Variants in AKAP13 observed in about 807,000 individuals in gnomAD.
AKAP13 encodes A-kinase anchoring protein 13.
A neutral mutation model predicts 264.5 loss-of-function variants in AKAP13; 80 were observed. The ratio of observed to expected loss-of-function variants is 0.30; its 90% CI spans 0.25 to 0.36. AKAP13 has a LOEUF of 0.36. Ranked by LOEUF, AKAP13 falls within the 10% of genes least tolerant of loss-of-function variation. The pLI, the probability that AKAP13 is intolerant of heterozygous loss-of-function variation, is 1.00. For synonymous variants in AKAP13, 1,380 were observed against 1,250.2 expected (o/e 1.10, Z -2.19); for missense variants, 3,712 against 3,435.2 (o/e 1.08, Z -2.01).
At chr15:85,676,759 C>G (rs2084251580) in intron 14 of AKAP13, among the ~76,000 whole-genome samples, 1 of 152,124 alleles carries the variant, frequency 6.6e-6, no homozygotes, top group Non-Finnish European at 1.5e-5. Flanking sequence ...CATAATCTAA[C>G]AGGTATGTAT....
chr15:85,477,852 G>A (rs1464738318), intron 1 of AKAP13, among the ~76,000 whole-genome samples: 2 of 152,106 alleles, frequency 1.3e-5, no homozygotes, highest in Non-Finnish European at 2.9e-5. Context: ...GAGGTATGTG[G>A]ATTGACCTGG....
intron 1 of AKAP13, among the ~76,000 whole-genome samples, chr15:85,400,179 A>G (rs2071353764): frequency 1.3e-5 from 2 of 152,188 alleles, no homozygotes. Flanking sequence ...GTGGGAGGAT[A>G]GCTTGAAGTC....
At chr15:85,635,186 C>T (rs895439219) in intron 8 of AKAP13, 2 of 397,752 alleles carry the variant, frequency 5.0e-6, no homozygotes, top group African/African-American at 4.1e-5. Flanking sequence ...CTTTCAGCAA[C>T]AGTACTGTGT....
intron 9 of AKAP13, 55 bp downstream of exon 9, chr15:85,639,504 C>CTCCAAATAAAACGATCT: frequency 7.6e-7 from 1 of 1,321,566 alleles, no homozygotes; most frequent in Non-Finnish European, 1.1e-6. Flanking sequence ...TCTGGCAGAT[C>CTCCAAATAAAACGATCT]GTTTTATTTG....
intron 34 of AKAP13, among the ~76,000 whole-genome samples, chr15:85,740,767 ACAC>A (rs1437767431): frequency 1.1e-5 from 1 of 88,724 alleles, no homozygotes; most frequent in Non-Finnish European, 2.3e-5. Context: ...ACACACACAC[ACAC>A]AACCACCCCC....
chr15:85,713,844 T>G (rs1169639367), intron 19 of AKAP13, among the ~76,000 whole-genome samples: 2 of 152,176 alleles, frequency 1.3e-5, no homozygotes, highest in African/African-American at 4.8e-5. Flanking sequence ...AACCTGTGAA[T>G]GGGACAGCAA....
chr15:85,612,553 G>C (rs1426044687), intron 8 of AKAP13, among the ~76,000 whole-genome samples: 1 of 152,132 alleles, frequency 6.6e-6, no homozygotes, highest in African/African-American at 2.4e-5. Context: ...AAGCGTGGTG[G>C]CTCACACCTG....
At chr15:85,558,770 A>C (rs1046775388) in intron 5 of AKAP13, among the ~76,000 whole-genome samples, 1 of 152,174 alleles carries the variant, frequency 6.6e-6, no homozygotes. Context: ...TCAGAAATAA[A>C]ACTGGAAGAA....
intron 2 of AKAP13, among the ~76,000 whole-genome samples, chr15:85,511,912 C>T (rs1382367514): frequency 6.6e-6 from 1 of 152,112 alleles, no homozygotes; most frequent in African/African-American, 2.4e-5. Flanking sequence ...ATTATTTTCT[C>T]CAAATGGTTT....
intron 1 of AKAP13, among the ~76,000 whole-genome samples, chr15:85,472,597 C>G (rs757132885): frequency 2.7e-4 from 41 of 152,316 alleles, no homozygotes; most frequent in Non-Finnish European, 2.9e-4. Flanking sequence ...ATCCTCTCCC[C>G]TTAGCCTCCC....
chr15:85,691,727 G>A lies in AKAP13; in HGVS notation c.5290-1550G>A, dbSNP rs75533500. The stretch of plus-strand genomic sequence containing the variant: ...GTCCCCTGTGCTTTGTACCTAGCCC[G>A]GTTTTGGCCTGCTCAGTAAGTAGAA... On this transcript the variant is annotated intron_variant, in intron 16 of 36. Coordinates refer to ENST00000394518, the MANE Select transcript of AKAP13 (RefSeq NM_007200.5). The A allele has an allele frequency of 1.7e-3, 780 of 449,230 alleles. 5 individuals are homozygous for A. The East Asian group carries it at 0.02, about 12-fold the overall frequency. The allele number at this position is 449,230 out of a possible 1,614,324, so 27.8% of individuals were successfully genotyped here.
At chr15:85,441,109 T>C (rs1222283698) in intron 1 of AKAP13, among the ~76,000 whole-genome samples, 1 of 152,230 alleles carries the variant, frequency 6.6e-6, no homozygotes, top group Non-Finnish European at 1.5e-5. Context: ...TGGGTAACAC[T>C]GTTTTCCAAA....
chr15:85,526,954 A>ATTT (rs11073395), intron 3 of AKAP13, among the ~76,000 whole-genome samples: 1 of 131,304 alleles, frequency 7.6e-6, no homozygotes, highest in Non-Finnish European at 1.6e-5. Context: ...CTTAGTTGTA[A>ATTT]TTTTTTTTTT....
chr15:85,541,895 C>T (rs1043664645), intron 4 of AKAP13, among the ~76,000 whole-genome samples: 1 of 152,202 alleles, frequency 6.6e-6, no homozygotes. Context: ...GTGCAGAAGT[C>T]AGGGCATCAG....
intron 1 of AKAP13, among the ~76,000 whole-genome samples, chr15:85,467,684 G>A (rs979837785): frequency 7.2e-5 from 11 of 152,186 alleles, no homozygotes; most frequent in African/African-American, 2.4e-4. Context: ...GGAAAAGACT[G>A]TATTTTTACT....
chr15:85,529,684 A>G (rs1371029559), intron 3 of AKAP13, among the ~76,000 whole-genome samples: 3 of 152,248 alleles, frequency 2.0e-5, no homozygotes, highest in Admixed American at 2.0e-4. Context: ...AATGGAAAAC[A>G]TTAATGTGAG....
At chr15:85,722,990 T>G in intron 25 of AKAP13, 82 bp from the exon 26 acceptor site, 2 of 1,527,928 alleles carry the variant, frequency 1.3e-6, no homozygotes, top group South Asian at 1.3e-5. Context: ...AAAGATGATA[T>G]GGAGTGAGAA....
chr15:85,740,166 G>C (rs1423454259), intron 33 of AKAP13, 56 bp from the exon 34 acceptor site: 1 of 1,581,372 alleles, frequency 6.3e-7, no homozygotes, highest in East Asian at 2.2e-5. Flanking sequence ...TAGTGTGATG[G>C]ATTCTGAGAT....
chr15:85,557,861 G>A (rs1414352922), intron 5 of AKAP13, among the ~76,000 whole-genome samples: 1 of 152,114 alleles, frequency 6.6e-6, no homozygotes, highest in South Asian at 2.1e-4. Flanking sequence ...ATAAAGACTG[G>A]GTGGGACTGA....
Sources: gnomAD v4.1 joint callset for allele counts (sites outside exome capture counted in the v4.1 genomes callset) on GRCh38, gnomAD v4.1.1 for gene constraint, MANE v1.5 for transcripts, NCBI Gene and HGNC (gene_info 2026-07-23, HGNC 2026-07-21) for gene names.